Variants in MBTPS1 observed in about 807,000 individuals in gnomAD.
MBTPS1 encodes membrane bound transcription factor peptidase, site 1.
A neutral mutation model predicts 127.8 loss-of-function variants in MBTPS1; 94 were observed. The ratio of observed to expected loss-of-function variants is 0.74; its 90% CI spans 0.62 to 0.87. MBTPS1 has a LOEUF of 0.87. Among genes scored for constraint, MBTPS1 ranks in the 40% least tolerant of loss-of-function variants. The pLI is 0.00. For synonymous variants in MBTPS1, 632 were observed against 509.4 expected, an observed-to-expected ratio of 1.24 and a Z score of -3.24; for missense variants, 1,636 against 1,353.2, an observed-to-expected ratio of 1.21 and a Z score of -3.28.
chr16:84,108,696 C>G (rs2086358493), intron 1 of MBTPS1, among the ~76,000 whole-genome samples: 1 of 152,212 alleles, frequency 6.6e-6, no homozygotes, highest in African/African-American at 2.4e-5. Flanking sequence ...TCTTAAGAGT[C>G]TGAGCGGAGT....
Position 84,087,219 on chromosome 16 carries a change from C to A in MBTPS1, c.1134+139G>T, listed in dbSNP as rs1216602569. Reference sequence around the variant, plus strand: ...TCGTCCTCACGGCTGGGCAGGCACTCACAGCCCCGGCTATTCCCATGTGAA... The same window carrying A: ...TCGTCCTCACGGCTGGGCAGGCACTAACAGCCCCGGCTATTCCCATGTGAA... On this transcript the variant is annotated intron_variant, in intron 9 of 22. Transcript: ENST00000343411. 6.1e-6 allele frequency: 4 copies of A among 660,102 alleles called. No individual in the cohort carries two copies. The East Asian group carries it at 1.1e-4, about 18-fold the overall frequency. The allele number at this position is 660,102 out of a possible 1,614,324, so 40.9% of individuals were successfully genotyped here.
chr16:84,069,807 T>C (rs2085743456), intron 14 of MBTPS1, 59 bp downstream of exon 14: 1 of 1,457,346 alleles, frequency 6.9e-7, no homozygotes, highest in Non-Finnish European at 9.5e-7. Context: ...GCGGGAACAG[T>C]GGTGCCTCCT....
rs2151158443 is a variant in MBTPS1, at chr16:84,085,053, C to T, written c.1216G>A (p.Gly406Arg). ...AGVRGSGVKG[G>R]CRALSGTSVA... ...CTGGTCCCTGAGAGGGCCCGGCACC[C>T]CCCTTTCACGCCAGAACCCCGCACG... Residue 406 changes from glycine (G) to arginine (R), a missense_variant, in exon 10 of 23, where the codon GGG becomes AGG. By Grantham distance (125) the Gly-to-Arg change is moderately radical. Transcript: ENST00000343411. 1 of 1,614,184 alleles carries T rather than the reference C, an allele frequency of 6.2e-7. No individual in the cohort carries two copies.
chr16:84,101,248 C>T (rs1053732130), intron 2 of MBTPS1, among the ~76,000 whole-genome samples: 2 of 151,938 alleles, frequency 1.3e-5, no homozygotes, highest in East Asian at 3.9e-4. Flanking sequence ...TGCAGTGAAC[C>T]GAGATCGTGC....
At chr16:84,109,010 G>A (rs569054947) in intron 1 of MBTPS1, among the ~76,000 whole-genome samples, 2 of 152,324 alleles carry the variant, frequency 1.3e-5, no homozygotes, top group East Asian at 1.9e-4. Flanking sequence ...ACGTGTACGT[G>A]CTACACACAT....
At chr16:84,084,059 A>C (rs556580963) in intron 10 of MBTPS1, among the ~76,000 whole-genome samples, 2 of 152,290 alleles carry the variant, frequency 1.3e-5, no homozygotes, top group African/African-American at 4.8e-5. Context: ...TCCCGGGTTC[A>C]AGCAATTTTC....
chr16:84,087,505 AAAC>A, intron 8 of MBTPS1, 45 bp from the exon 9 acceptor site: 1 of 1,257,370 alleles, frequency 8.0e-7, no homozygotes, highest in Non-Finnish European at 1.1e-6. Flanking sequence ...AAAAAGAAAA[AAAC>A]AAGAGAAATA....
Position 84,054,357 on chromosome 16 carries a change from C to A in MBTPS1, c.*92G>T. ...CAAACCTGCAGCTGGAAACTGGATCCCTTTTAAACCAGCCGCCACCACAGC... is the reference window on the plus strand; with the variant it reads ...CAAACCTGCAGCTGGAAACTGGATCACTTTTAAACCAGCCGCCACCACAGC... On this transcript the variant is annotated 3_prime_UTR_variant, in exon 23 of 23. Coordinates refer to ENST00000343411, the MANE Select transcript of MBTPS1 (RefSeq NM_003791.4). The A allele has an allele frequency of 8.5e-7, 1 of 1,176,594 alleles. No homozygotes were observed. The allele number at this position is 1,176,594 out of a possible 1,614,324, so 72.9% of individuals were successfully genotyped here. A position where few individuals can be genotyped will look rare whatever the true frequency, so the allele number is the denominator to read the frequency against.
intron 6 of MBTPS1, 22 bp downstream of exon 6, chr16:84,093,166 C>A (rs1036976716): frequency 6.9e-7 from 1 of 1,456,418 alleles, no homozygotes; most frequent in South Asian, 1.1e-5. Flanking sequence ...CCTCAAGTTT[C>A]AGGAGTCCTC....
chr16:84,107,696 A>C (rs145137551), intron 1 of MBTPS1, among the ~76,000 whole-genome samples: 255 of 140,272 alleles, frequency 1.8e-3, no homozygotes, highest in Middle Eastern at 7.2e-3. Flanking sequence ...CAACCCCCGA[A>C]CTCCTGGGCC....
intron 2 of MBTPS1, among the ~76,000 whole-genome samples, chr16:84,100,323 T>C (rs895392125): frequency 6.6e-6 from 1 of 152,078 alleles, no homozygotes; most frequent in African/African-American, 2.4e-5. Context: ...TGCAGGAGGA[T>C]CACCTGAGGT....
At chr16:84,114,808 G>A (rs930161883) in intron 1 of MBTPS1, among the ~76,000 whole-genome samples, 1 of 140,842 alleles carries the variant, frequency 7.1e-6, no homozygotes, top group Non-Finnish European at 1.5e-5. Flanking sequence ...CAGCCTGGGC[G>A]ACAGAGCGAG....
At chr16:84,074,116 T>G (rs72799281) in intron 12 of MBTPS1, among the ~76,000 whole-genome samples, 3,321 of 152,304 alleles carry the variant, frequency 0.022, 58 homozygotes, top group Middle Eastern at 0.048. Context: ...AAACTCAAGA[T>G]GCCAAAGCAA....
chr16:84,114,636 C>A (rs2086444327), intron 1 of MBTPS1, among the ~76,000 whole-genome samples: 1 of 151,720 alleles, frequency 6.6e-6, no homozygotes, highest in Non-Finnish European at 1.5e-5. Flanking sequence ...CTGAAACCAG[C>A]CTGACCAACA....
rs1276140556 is a variant in MBTPS1, at chr16:84,095,714, A to G, written c.513T>C (p.Ser171=). 1.5e-5 allele frequency: 24 copies of G among 1,614,158 alleles called. No homozygotes were observed. The highest frequency in any genetic ancestry group is 2.0e-5 in the Non-Finnish European group (24 of 1,180,062). The change falls in exon 4 of 23, where the codon TCT becomes TCC. Residue 171 remains serine (S), a synonymous_variant. Coordinates refer to ENST00000343411, the MANE Select transcript of MBTPS1 (RefSeq NM_003791.4). ...PLRRASLSLG[S]GFWHATGRHS... Reference sequence around the variant, plus strand: ...GCCTTCCCGTAGCATGCCAGAAGCCAGAGCCCAGGGAGAGGCTGGCTCTTC... The same window carrying G: ...GCCTTCCCGTAGCATGCCAGAAGCCGGAGCCCAGGGAGAGGCTGGCTCTTC...
intron 3 of MBTPS1, 75 bp downstream of exon 3, chr16:84,098,978 T>A: frequency 7.1e-7 from 1 of 1,412,222 alleles, no homozygotes. Context: ...ACTGTACTAT[T>A]TTTCAACTAC....
At position 84,095,753 on chromosome 16, in the gene MBTPS1, T is replaced by G. The variant is rs756455919; in HGVS notation, c.474A>C (p.Ser158=). ...GGCTGGCTCTTCGCAGGGGACGTGA[T>G]GATTGCCACTTCTGGCTCCACCGGG... is the stretch of plus-strand genomic sequence containing the variant. ...NETRWSQKWQ[S]SRPLRRASLS... is the part of the protein sequence containing the mutation. The change falls in exon 4 of 23, where the codon TCA becomes TCC. Residue 158 remains serine, a synonymous_variant. Coordinates refer to ENST00000343411, the MANE Select transcript of MBTPS1 (RefSeq NM_003791.4). 3 of 1,614,040 alleles carry G rather than the reference T, an allele frequency of 1.9e-6. No individual in the cohort carries two copies. The highest frequency in any genetic ancestry group is 1.6e-4 in the Middle Eastern group (1 of 6,084).
intron 3 of MBTPS1, 104 bp downstream of exon 3, chr16:84,098,949 T>C: frequency 1.7e-6 from 2 of 1,150,882 alleles, no homozygotes; most frequent in Non-Finnish European, 2.5e-6. Context: ...GCAAACTAGA[T>C]GGAAGGATGC....
At chr16:84,100,902 C>G (rs1454006711) in intron 2 of MBTPS1, among the ~76,000 whole-genome samples, 4 of 151,782 alleles carry the variant, frequency 2.6e-5, no homozygotes. Context: ...TGCCTGTAAT[C>G]CCAGCACTTT....
Sources: gnomAD v4.1 joint callset for allele counts (sites outside exome capture counted in the v4.1 genomes callset) on GRCh38, gnomAD v4.1.1 for gene constraint, MANE v1.5 for transcripts, NCBI Gene and HGNC (gene_info 2026-07-23, HGNC 2026-07-21) for gene names.